The following SEC62 variants were observed in gnomAD, a reference collection of about 807,000 sequenced individuals.
SEC62 encodes the protein translocation protein SEC62.
Under a neutral mutation model 47.5 loss-of-function variants are expected in SEC62, and 10 were observed. The observed-to-expected ratio is 0.21, with a 90% CI of 0.13 to 0.36. The LOEUF (loss-of-function observed/expected upper bound fraction) is 0.36, where lower values mean the gene tolerates loss of function less well. Among genes scored for constraint, SEC62 ranks in the 10% least tolerant of loss-of-function variants. The probability of loss-of-function intolerance (pLI) is 1.00; values close to 1 mark genes in which losing one functional copy is unlikely to be tolerated. For synonymous variants in SEC62, 136 were observed against 150.5 expected (o/e 0.90, Z 0.71); for missense variants, 327 against 464.1 (o/e 0.70, Z 2.71).
At chr3:169,977,684 T>G (rs1377675620) in intron 3 of SEC62, among the ~76,000 whole-genome samples, 1 of 152,208 alleles carries the variant, frequency 6.6e-6, no homozygotes, top group East Asian at 1.9e-4. Context: ...GGAAGTATGC[T>G]GGTTTTTCTT....
chr3:169,988,089 A>G, intron 6 of SEC62, 151 bp from the exon 7 acceptor site: 1 of 718,242 alleles, frequency 1.4e-6, no homozygotes, highest in Admixed American at 2.7e-5. Flanking sequence ...ATTGCTCATA[A>G]TTGACCATTT....
intron 6 of SEC62, 151 bp downstream of exon 6, chr3:169,986,016 C>A: frequency 3.7e-6 from 2 of 541,142 alleles, no homozygotes; most frequent in East Asian, 3.1e-5. Context: ...AAATAATACA[C>A]TAAGGAAAAT....
intron 6 of SEC62, among the ~76,000 whole-genome samples, chr3:169,987,283 G>A (rs114406393): frequency 0.03 from 4,490 of 152,156 alleles, 243 homozygotes; most frequent in African/African-American, 0.1. Context: ...GCCGGGTGTG[G>A]TGGTTCACAC....
At chr3:169,991,922 G>A (rs968907325) in intron 7 of SEC62, among the ~76,000 whole-genome samples, 2 of 152,020 alleles carry the variant, frequency 1.3e-5, no homozygotes, top group African/African-American at 2.4e-5. Context: ...TATTTTATTC[G>A]TGTTTATACA....
In SEC62 at chr3:169,994,494, TG is replaced by T. The variant is rs1715327016; in HGVS notation, c.*1433del. 6.6e-6 allele frequency: 1 copy of T among 152,608 alleles called. No individual in the cohort carries two copies. Among genetic ancestry groups the T allele is most frequent in the Non-Finnish European group, 1.5e-5 (1 of 68,010 alleles). 9.5% of individuals were successfully genotyped at this position (152,608 alleles called of 1,614,324 possible). A position where few individuals can be genotyped will look rare whatever the true frequency, so the allele number is the denominator to read the frequency against. On this transcript the variant is annotated 3_prime_UTR_variant, in exon 8 of 8. Coordinates refer to ENST00000337002, the MANE Select transcript of SEC62 (RefSeq NM_003262.4). ...CTGTATCGACACATTTTATTAAACT[TG>T]GCTTGATTGCTTCTTTATAGTAGTC...
intron 1 of SEC62, chr3:169,969,141 C>T (rs1471815023): frequency 1.2e-5 from 4 of 329,318 alleles, no homozygotes; most frequent in Non-Finnish European, 2.4e-5. Flanking sequence ...TCATTTGTTG[C>T]TTGATGTTTT....
At position 169,993,719 on chromosome 3, in the gene SEC62, A is replaced by G. The variant is rs1274287664; in HGVS notation, c.*656A>G. ...TGGTCGTCTCCAGCAGAGAAAGTGA[A>G]CAGCATTTGTTGGAAGGTGATGGCT... On this transcript the variant is annotated 3_prime_UTR_variant, in exon 8 of 8. Coordinates refer to ENST00000337002, the MANE Select transcript of SEC62 (RefSeq NM_003262.4). 6.5e-6 allele frequency: 1 copy of G among 152,682 alleles called. No individual in the cohort carries two copies. Among genetic ancestry groups the G allele is most frequent in the Non-Finnish European group, 1.5e-5 (1 of 68,062 alleles). 9.5% of individuals were successfully genotyped at this position (152,682 alleles called of 1,614,324 possible).
At chr3:169,981,447 G>A (rs1714971219) in intron 3 of SEC62, among the ~76,000 whole-genome samples, 1 of 152,198 alleles carries the variant, frequency 6.6e-6, no homozygotes, top group South Asian at 2.1e-4. Context: ...CAAGTGCTGT[G>A]ATGTGCTGGA....
At chr3:169,988,545 AT>A (rs879352265) in intron 7 of SEC62, among the ~76,000 whole-genome samples, 186 bp downstream of exon 7, 14 of 152,280 alleles carry the variant, frequency 9.2e-5, no homozygotes, top group Non-Finnish European at 1.6e-4. Flanking sequence ...CAGAAAAAGG[AT>A]TTAATACATC....
rs1715322832 is a variant in SEC62 at position 169,994,314 on chromosome 3, A to T, written c.*1251A>T. 6.6e-6 allele frequency: 1 copy of T among 152,624 alleles called. No individual in the cohort carries two copies. The highest frequency in any genetic ancestry group is 2.4e-5 in the African/African-American group (1 of 41,454). The allele number at this position is 152,624 out of a possible 1,614,324, so 9.5% of individuals were successfully genotyped here. A position where few individuals can be genotyped will look rare whatever the true frequency, so the allele number is the denominator to read the frequency against. On this transcript the variant is annotated 3_prime_UTR_variant, in exon 8 of 8. Coordinates refer to ENST00000337002, the MANE Select transcript of SEC62 (RefSeq NM_003262.4). Reference sequence around the variant, plus strand: ...ATTCCTTGGAGTTATACTAACTAATAATGAATATTAAATGATTTTTCTTCA... The same window carrying T: ...ATTCCTTGGAGTTATACTAACTAATTATGAATATTAAATGATTTTTCTTCA...
Position 169,994,968 on chromosome 3 carries a change from C to T in SEC62, c.*1905C>T, listed in dbSNP as rs1715340139. 1 of 151,904 alleles carries T rather than the reference C, an allele frequency of 6.6e-6. No individual in the cohort carries two copies. The highest frequency in any genetic ancestry group is 2.4e-5 in the African/African-American group (1 of 41,356). 9.4% of individuals were successfully genotyped at this position (151,904 alleles called of 1,614,324 possible). A position where few individuals can be genotyped will look rare whatever the true frequency, so the allele number is the denominator to read the frequency against. ...AAATTTTTATAAATATTTGGTGATC[C>T]CTGGGGGGAAATATCATTCTTACTA... On this transcript the variant is annotated 3_prime_UTR_variant, in exon 8 of 8. Transcript: ENST00000337002.
chr3:169,996,735 C>G lies in SEC62; in HGVS notation c.*3672C>G, dbSNP rs970960009. On this transcript the variant is annotated 3_prime_UTR_variant, in exon 8 of 8. Transcript: ENST00000337002. ...TCACTTCTCCCAAACTCCTTCCCTGCTTTCCAGGTTGCCAGTCCCTGCACT... is the reference window on the plus strand; with the variant it reads ...TCACTTCTCCCAAACTCCTTCCCTGGTTTCCAGGTTGCCAGTCCCTGCACT... 1 of 152,358 alleles carries G rather than the reference C, an allele frequency of 6.6e-6. No homozygotes were observed. Among genetic ancestry groups the G allele is most frequent in the Admixed American group, 6.5e-5 (1 of 15,282 alleles). 9.4% of individuals were successfully genotyped at this position (152,358 alleles called of 1,614,324 possible). A position where few individuals can be genotyped will look rare whatever the true frequency, so the allele number is the denominator to read the frequency against.
chr3:169,975,614 G>C lies in SEC62; in HGVS notation c.43G>C (p.Gly15Arg). ...TAATATTCATATGTTGCAGGAAGTT[G>C]GTGAACCATCTAAAGAAGAGAAGGC... ...RRHKKRIQEV[G>R]EPSKEEKAVA... is the part of the protein sequence containing the mutation. The change falls in exon 2 of 8, where the codon GGT becomes CGT. Residue 15 changes from glycine (G) to arginine (R), a missense_variant. Gly to Arg is a moderately radical substitution (Grantham distance 125, BLOSUM62 -2). Transcript: ENST00000337002. 1 of 1,606,352 alleles carries C rather than the reference G, an allele frequency of 6.2e-7. No homozygotes were observed. The highest frequency in any genetic ancestry group is 8.5e-7 in the Non-Finnish European group (1 of 1,173,276).
At chr3:169,976,450 C>T (rs1714840733) in intron 2 of SEC62, among the ~76,000 whole-genome samples, 1 of 152,020 alleles carries the variant, frequency 6.6e-6, no homozygotes, top group Admixed American at 6.5e-5. Flanking sequence ...AATGATTTGA[C>T]ATTCATTACA....
chr3:169,991,256 C>A (rs1715240962), intron 7 of SEC62, among the ~76,000 whole-genome samples: 1 of 152,006 alleles, frequency 6.6e-6, no homozygotes, highest in African/African-American at 2.4e-5. Context: ...CATAGTTTAC[C>A]TAACTAATAA....
chr3:169,968,846 A>T (rs1170879422), intron 1 of SEC62, among the ~76,000 whole-genome samples: 1 of 152,228 alleles, frequency 6.6e-6, no homozygotes, highest in African/African-American at 2.4e-5. Context: ...GGCATACTGC[A>T]AAATTAAGTG....
intron 3 of SEC62, among the ~76,000 whole-genome samples, chr3:169,981,840 A>G (rs1024770668): frequency 6.6e-6 from 1 of 152,202 alleles, no homozygotes; most frequent in Non-Finnish European, 1.5e-5. Flanking sequence ...GATAAGTGCT[A>G]TGGATAGGGT....
intron 2 of SEC62, 33 bp downstream of exon 2, chr3:169,975,749 A>G (rs374880241): frequency 1.4e-6 from 2 of 1,419,294 alleles, no homozygotes; most frequent in South Asian, 2.3e-5. Context: ...GTATTAGTGT[A>G]CATATGTTAT....
intron 1 of SEC62, among the ~76,000 whole-genome samples, chr3:169,971,118 T>C (rs1408274488): frequency 6.6e-6 from 1 of 151,670 alleles, no homozygotes; most frequent in East Asian, 1.9e-4. Context: ...GTGCCCAGGC[T>C]GGAATGCAGT....
Sources: gnomAD v4.1 joint callset for allele counts (sites outside exome capture counted in the v4.1 genomes callset) on GRCh38, gnomAD v4.1.1 for gene constraint, MANE v1.5 for transcripts, NCBI Gene and HGNC (gene_info 2026-07-23, HGNC 2026-07-21) for gene names.